ARHGEF10L: variants seen among roughly 807,000 people sequenced by gnomAD.
The protein encoded by ARHGEF10L is Rho guanine nucleotide exchange factor 10 like.
Under a neutral mutation model 141.2 loss-of-function variants are expected in ARHGEF10L, and 69 were observed. The ratio of observed to expected loss-of-function variants is 0.49; its 90% CI spans 0.40 to 0.60. The LOEUF (loss-of-function observed/expected upper bound fraction) is 0.60. ARHGEF10L is among the 20% of genes least tolerant of loss of function. The probability of loss-of-function intolerance (pLI) is 0.00; values close to 1 mark genes in which losing one functional copy is unlikely to be tolerated. For missense variants in ARHGEF10L, 1,482 were observed against 1,734.3 expected (o/e 0.85, Z 2.58); for synonymous variants, 711 against 718.5 (o/e 0.99, Z 0.17).
intron 4 of ARHGEF10L, among the ~76,000 whole-genome samples, chr1:17,595,678 A>C (rs1448381770): frequency 2.6e-5 from 4 of 152,058 alleles, no homozygotes; most frequent in South Asian, 2.1e-4. Flanking sequence ...CCACAGAGGG[A>C]AGAGGGAACA....
intron 21 of ARHGEF10L, among the ~76,000 whole-genome samples, chr1:17,643,238 A>G (rs1016791248): frequency 6.6e-6 from 1 of 152,096 alleles, no homozygotes; most frequent in African/African-American, 2.4e-5. Flanking sequence ...TTATTCCTTT[A>G]TTTTATTTTC....
intron 25 of ARHGEF10L, among the ~76,000 whole-genome samples, chr1:17,661,686 C>T (rs886312475): frequency 2.6e-5 from 4 of 152,204 alleles, no homozygotes; most frequent in Non-Finnish European, 5.9e-5. Flanking sequence ...GGTCCCAGCC[C>T]CCATCTCAGC....
the ARHGEF10L span, among the ~76,000 whole-genome samples, chr1:17,528,947 T>C: frequency 6.6e-6 from 1 of 152,098 alleles, no homozygotes; most frequent in Non-Finnish European, 1.5e-5. Flanking sequence ...ATGTTAGCCA[T>C]GTTGATGATG....
chr1:17,581,811 G>A (rs1256324182), intron 2 of ARHGEF10L, among the ~76,000 whole-genome samples: 1 of 151,080 alleles, frequency 6.6e-6, no homozygotes. Flanking sequence ...CAGACAGCGT[G>A]TGCCATGCCC....
intron 21 of ARHGEF10L, among the ~76,000 whole-genome samples, chr1:17,647,170 G>A (rs965464772): frequency 6.6e-6 from 1 of 152,196 alleles, no homozygotes; most frequent in Non-Finnish European, 1.5e-5. Context: ...GTTGCTGAAG[G>A]CTGCCTGGTT....
chr1:17,620,232 T>G (rs1340294482), intron 10 of ARHGEF10L, among the ~76,000 whole-genome samples: 1 of 150,090 alleles, frequency 6.7e-6, no homozygotes, highest in East Asian at 2.0e-4. Flanking sequence ...AATGGCTTCC[T>G]TCTTGTAGAG....
chr1:17,574,124 C>T (rs2078124825), intron 1 of ARHGEF10L, among the ~76,000 whole-genome samples: 1 of 152,080 alleles, frequency 6.6e-6, no homozygotes. Context: ...CTCCCTGACC[C>T]ACCCACTCCC....
At chr1:17,538,131 G>A (rs537556148), upstream of ARHGEF10L, among the ~76,000 whole-genome samples, 1 of 152,138 alleles carries the variant, frequency 6.6e-6, no homozygotes, top group Admixed American at 6.5e-5. Flanking sequence ...GTGAAAGACC[G>A]CGATGCTGGT....
chr1:17,686,097 TC>T (rs1558033431), intron 26 of ARHGEF10L, among the ~76,000 whole-genome samples: 135 of 146,700 alleles, frequency 9.2e-4, no homozygotes, highest in African/African-American at 3.3e-3. Context: ...TTTCTTTCTT[TC>T]TTTCTTTCTT....
Position 17,671,664 on chromosome 1 carries a change from G to A in ARHGEF10L, c.3009+7069G>A, listed in dbSNP as rs77287761. On this transcript the variant is annotated intron_variant, in intron 26 of 28. Coordinates refer to ENST00000361221, the MANE Select transcript of ARHGEF10L (RefSeq NM_018125.4). ...TGAGGGGCTGTGGTGGGGTTAACTGGGGCAGCCCCTCCCCCATTAGACCCG... is the reference window on the plus strand; with the variant it reads ...TGAGGGGCTGTGGTGGGGTTAACTGAGGCAGCCCCTCCCCCATTAGACCCG... 7.9e-3 allele frequency among the ~76,000 whole-genome samples: 1,205 copies of A among 152,280 alleles called. 26 individuals carry two copies. Among genetic ancestry groups the A allele is most frequent in the African/African-American group, 0.028 (1,144 of 41,552 alleles).
At chr1:17,577,881 G>A (rs2078289067) in intron 1 of ARHGEF10L, among the ~76,000 whole-genome samples, 1 of 152,186 alleles carries the variant, frequency 6.6e-6, no homozygotes, top group East Asian at 1.9e-4. Context: ...TGCTAATAAA[G>A]TGTCAGGCTC....
chr1:17,615,730 C>T lies in ARHGEF10L; in HGVS notation c.727-364C>T, dbSNP rs748275565. 5 of 184,364 alleles carry T rather than the reference C, an allele frequency of 2.7e-5. No individual in the cohort carries two copies. Among genetic ancestry groups the T allele is most frequent in the East Asian group, 1.3e-4 (1 of 7,456 alleles). The allele number at this position is 184,364 out of a possible 1,614,324, so 11.4% of individuals were successfully genotyped here. ...GCCTGGGGAAATGGAGGCTCAGTGA[C>T]GTTCAGTGACGTGCCCAGAGTCATG... On this transcript the variant is annotated intron_variant, in intron 8 of 28. Coordinates refer to ENST00000361221, the MANE Select transcript of ARHGEF10L (RefSeq NM_018125.4). The surrounding 1 kb of genome is among the most constrained non-coding windows in gnomAD (Gnocchi z 4.7).
At chr1:17,602,097 C>T in intron 4 of ARHGEF10L, 30 bp from the exon 5 acceptor site, 2 of 1,521,622 alleles carry the variant, frequency 1.3e-6, no homozygotes, top group Non-Finnish European at 1.8e-6. Flanking sequence ...CACCTCTGGA[C>T]ACCTCTGCAG....
chr1:17,608,082 C>T (rs796425911), intron 7 of ARHGEF10L, 105 bp downstream of exon 7: 47 of 1,184,466 alleles, frequency 4.0e-5, no homozygotes, highest in Middle Eastern at 6.0e-4. Flanking sequence ...CTAGGACTCA[C>T]GTCTGGGTCC....
At position 17,584,325 on chromosome 1, in the gene ARHGEF10L, G is replaced by A. The variant is rs551375228; in HGVS notation, c.38-3135G>A. Among the ~76,000 whole-genome samples the A allele has an allele frequency of 7.9e-5, 12 of 152,168 alleles. No individual in the cohort carries two copies. The East Asian group carries it at 1.4e-3, about 17-fold the overall frequency. The stretch of plus-strand genomic sequence containing the variant: ...CTCCCAAAGTGCTGGGATTACAGGC[G>A]TCAGCCACAGCACCCAGCCTATGTT... On this transcript the variant is annotated intron_variant, in intron 2 of 28. Transcript: ENST00000361221.
chr1:17,563,397 G>C (rs941586587), intron 1 of ARHGEF10L, among the ~76,000 whole-genome samples: 9 of 152,102 alleles, frequency 5.9e-5, no homozygotes, highest in Non-Finnish European at 1.0e-4. Flanking sequence ...ACCATGCCTG[G>C]CTAATTTTTG....
At chr1:17,596,116 C>T (rs1450577989) in intron 4 of ARHGEF10L, among the ~76,000 whole-genome samples, 1 of 152,234 alleles carries the variant, frequency 6.6e-6, no homozygotes, top group East Asian at 1.9e-4. Flanking sequence ...GGGAGCTTAC[C>T]CCTGACCAAC....
chr1:17,598,136 C>G (rs867281040), intron 4 of ARHGEF10L, among the ~76,000 whole-genome samples: 2 of 151,192 alleles, frequency 1.3e-5, no homozygotes, highest in African/African-American at 4.9e-5. Context: ...AAGTATTGCC[C>G]TGTCCCTCAG....
At chr1:17,588,520 G>C (rs1254581771) in intron 4 of ARHGEF10L, 41 bp downstream of exon 4, 14 of 1,613,364 alleles carry the variant, frequency 8.7e-6, no homozygotes, top group Non-Finnish European at 1.2e-5. Context: ...GTTGGAAACA[G>C]GGAGACACCG....
Sources: gnomAD v4.1 joint callset for allele counts (sites outside exome capture counted in the v4.1 genomes callset) on GRCh38, gnomAD v4.1.1 for gene constraint, Gnocchi (gnomAD v3.1) non-coding constraint, MANE v1.5 for transcripts, NCBI Gene and HGNC (gene_info 2026-07-23, HGNC 2026-07-21) for gene names.